AXIN2: variants seen among roughly 807,000 people sequenced by gnomAD.
AXIN2 encodes axin 2, also known as axin-2.
Under a neutral mutation model 74.7 loss-of-function variants are expected in AXIN2, and 21 were observed. The observed-to-expected ratio is 0.28, with a 90% CI of 0.20 to 0.40. AXIN2 has a LOEUF of 0.40. Ranked by LOEUF, AXIN2 falls within the 10% of genes least tolerant of loss-of-function variation. The pLI, the probability that AXIN2 is intolerant of heterozygous loss-of-function variation, is 1.00. For synonymous variants in AXIN2, 532 were observed against 454.9 expected, an observed-to-expected ratio of 1.17 and a Z score of -2.16; for missense variants, 1,144 against 1,111.1, an observed-to-expected ratio of 1.03 and a Z score of -0.42.
chr17:65,556,662 G>T (rs1858652638), intron 2 of AXIN2, among the ~76,000 whole-genome samples: 1 of 152,076 alleles, frequency 6.6e-6, no homozygotes, highest in African/African-American at 2.4e-5. Flanking sequence ...GCTAGGCTCA[G>T]ACCTGGCCAC....
intron 2 of AXIN2, among the ~76,000 whole-genome samples, chr17:65,550,957 G>A (rs544008547): frequency 1.1e-4 from 17 of 152,266 alleles, no homozygotes; most frequent in African/African-American, 4.1e-4. Context: ...TTCTACAGAT[G>A]AGGCCCTTGG....
intron 10 of AXIN2, among the ~76,000 whole-genome samples, chr17:65,532,562 C>T (rs117288311): frequency 1.3e-5 from 2 of 152,326 alleles, no homozygotes; most frequent in East Asian, 1.9e-4. Flanking sequence ...TCAGTCCAAC[C>T]TCCATCCCCT....
chr17:65,536,968 G>C lies in AXIN2; in HGVS notation c.1808C>G (p.Ala603Gly). ...CTCCCGGGGAAGCTGCAGGGCCCCA[G>C]CTCCGCCGGGGGCCCCTCCTTCCCT... ...PAREGGAPGG[A>G]GALQLPREEG... The change falls in exon 7 of 11, where the codon GCT becomes GGT. Residue 603 changes from alanine to glycine, a missense_variant. Transcript: ENST00000307078. 1.2e-6 allele frequency: 2 copies of C among 1,613,148 alleles called. No individual in the cohort carries two copies. Among genetic ancestry groups the C allele is most frequent in the Non-Finnish European group, 1.7e-6 (2 of 1,179,936 alleles).
At chr17:65,560,809 C>A (rs2044357253) in intron 1 of AXIN2, 1 of 150,714 alleles carries the variant, frequency 6.6e-6, no homozygotes, top group Non-Finnish European at 1.5e-5. Context: ...CCGGCCGCCT[C>A]GGCCTCGGCA....
In AXIN2 at chr17:65,559,103, G is replaced by GCCTTC. The variant is rs532883501; in HGVS notation, c.-116-372_-116-368dup. Among the ~76,000 whole-genome samples, 1,457 of 152,070 alleles carry GCCTTC rather than the reference G, an allele frequency of 9.6e-3. 24 individuals are homozygous for GCCTTC. The highest frequency in any genetic ancestry group is 0.033 in the African/African-American group (1,367 of 41,460). On this transcript the variant is annotated intron_variant, in intron 1 of 10. Coordinates refer to ENST00000307078, the MANE Select transcript of AXIN2 (RefSeq NM_004655.4). ...CGCAGGGCAGCTCAGCCCGCGCCTC[G>GCCTTC]CCTTCCCTCCCTTCCCCTCCCCCGA...
chr17:65,540,933 G>T (rs1356021104), intron 4 of AXIN2, among the ~76,000 whole-genome samples: 2 of 152,158 alleles, frequency 1.3e-5, no homozygotes, highest in Admixed American at 1.3e-4. Context: ...CCAGGCTGGA[G>T]TGCACTGGCG....
chr17:65,546,403 C>T (rs1012074624), intron 3 of AXIN2, among the ~76,000 whole-genome samples: 7 of 152,180 alleles, frequency 4.6e-5, no homozygotes, highest in Non-Finnish European at 1.0e-4. Flanking sequence ...GGGTGACCGC[C>T]CGGTGCTGGG....
intron 2 of AXIN2, among the ~76,000 whole-genome samples, chr17:65,551,696 A>G (rs1567764605): frequency 6.6e-6 from 1 of 152,146 alleles, no homozygotes; most frequent in Non-Finnish European, 1.5e-5. Context: ...GGAGTCACCA[A>G]ACACACACAA....
intron 1 of AXIN2, chr17:65,559,546 G>C (rs1361535123): frequency 6.6e-6 from 1 of 151,658 alleles, no homozygotes; most frequent in East Asian, 1.9e-4. Flanking sequence ...CAAACTTTGA[G>C]AGAGAGCTGA....
intron 2 of AXIN2, among the ~76,000 whole-genome samples, chr17:65,553,967 G>A (rs997044678): frequency 6.6e-6 from 1 of 152,064 alleles, no homozygotes. Context: ...CAGAGTAGAG[G>A]CCTATGCTGC....
chr17:65,539,250 C>T (rs372211201), intron 4 of AXIN2, among the ~76,000 whole-genome samples: 3 of 151,278 alleles, frequency 2.0e-5, no homozygotes, highest in East Asian at 2.0e-4. Flanking sequence ...TAGCTCCTTT[C>T]TTTGGGCTGG....
chr17:65,555,535 T>TTACATTAGTAAATTA (rs1351649650), intron 2 of AXIN2, among the ~76,000 whole-genome samples: 1 of 152,066 alleles, frequency 6.6e-6, no homozygotes, highest in South Asian at 2.1e-4. Flanking sequence ...ATTTACATCA[T>TTACATTAGTAAATTA]CATTACTAAT....
intron 5 of AXIN2, 50 bp from the exon 6 acceptor site, chr17:65,537,885 C>A: frequency 6.7e-7 from 1 of 1,501,200 alleles, no homozygotes; most frequent in East Asian, 2.4e-5. Context: ...GCAGAAGGGC[C>A]AGAGGCCCTG....
chr17:65,532,207 C>T (rs1298450272), intron 10 of AXIN2, among the ~76,000 whole-genome samples: 1 of 151,972 alleles, frequency 6.6e-6, no homozygotes, highest in Middle Eastern at 3.2e-3. Context: ...ATTAACTGTG[C>T]CTCAGGGAGA....
At chr17:65,551,113 A>G (rs1402935769) in intron 2 of AXIN2, among the ~76,000 whole-genome samples, 1 of 152,164 alleles carries the variant, frequency 6.6e-6, no homozygotes, top group African/African-American at 2.4e-5. Context: ...AAAAGCAGGA[A>G]AGGAGTGCCT....
intron 3 of AXIN2, among the ~76,000 whole-genome samples, chr17:65,542,500 T>C (rs566040470): frequency 1.2e-4 from 19 of 152,268 alleles, no homozygotes; most frequent in Admixed American, 5.2e-4. Flanking sequence ...CAAATTTAAA[T>C]TGGATGTGGG....
At chr17:65,558,795 A>T in intron 1 of AXIN2, 59 bp from the exon 2 acceptor site, 1 of 672,286 alleles carries the variant, frequency 1.5e-6, no homozygotes, top group Non-Finnish European at 2.6e-6. Context: ...ATCTAATCAA[A>T]ACCAGATCTA....
intron 10 of AXIN2, among the ~76,000 whole-genome samples, chr17:65,530,898 G>T (rs984598915): frequency 2.6e-5 from 4 of 152,148 alleles, no homozygotes; most frequent in Admixed American, 1.3e-4. Flanking sequence ...CTGTTTAATT[G>T]TACAGATGCA....
chr17:65,553,871 A>C (rs2044229708), intron 2 of AXIN2, among the ~76,000 whole-genome samples: 1 of 150,002 alleles, frequency 6.7e-6, no homozygotes, highest in Non-Finnish European at 1.5e-5. Context: ...GGAAACTCAA[A>C]CCACGCTACA....
Sources: allele counts gnomAD v4.1 joint callset (sites outside exome capture counted in the v4.1 genomes callset), GRCh38; gene constraint gnomAD v4.1.1; transcripts MANE v1.5; gene names NCBI Gene and HGNC (gene_info 2026-07-23, HGNC 2026-07-21).